Variants in ULK4 observed in about 807,000 individuals in gnomAD.
ULK4 encodes the protein inactive serine/threonine-protein kinase ULK4.
ULK4 carries 133 observed loss-of-function variants against 160.6 expected under a neutral mutation model. That is an observed-to-expected ratio of 0.83 (90% confidence interval 0.72 to 0.96). ULK4 has a LOEUF of 0.96. Ranked by LOEUF, ULK4 falls within the 40% of genes least tolerant of loss-of-function variation. The pLI, the probability that ULK4 is intolerant of heterozygous loss-of-function variation, is 0.00. For missense variants in ULK4, 1,580 were observed against 1,499.5 expected, an observed-to-expected ratio of 1.05 and a Z score of -0.89; for synonymous variants, 534 against 539.8, an observed-to-expected ratio of 0.99 and a Z score of 0.15.
intron 21 of ULK4, among the ~76,000 whole-genome samples, chr3:41,765,229 T>C (rs574997326): frequency 3.9e-4 from 59 of 152,210 alleles, no homozygotes; most frequent in African/African-American, 1.4e-3. Context: ...TATACAGCCA[T>C]AAAAAATGAT....
intron 35 of ULK4, among the ~76,000 whole-genome samples, chr3:41,334,496 G>GA (rs915777048): frequency 6.6e-6 from 1 of 152,052 alleles, no homozygotes; most frequent in African/African-American, 2.4e-5. Flanking sequence ...GGCCATGTGG[G>GA]AAAAAAATTG....
intron 30 of ULK4, among the ~76,000 whole-genome samples, chr3:41,645,640 G>C (rs544390587): frequency 6.6e-6 from 1 of 152,002 alleles, no homozygotes; most frequent in African/African-American, 2.4e-5. Context: ...AATAGGTGTG[G>C]TGTGGTGCTG....
At chr3:41,813,046 A>G (rs1280116232) in intron 19 of ULK4, among the ~76,000 whole-genome samples, 1 of 152,166 alleles carries the variant, frequency 6.6e-6, no homozygotes, top group African/African-American at 2.4e-5. Context: ...TAGTCTATAT[A>G]ATTATGGGTA....
chr3:41,597,744 C>T (rs961633365), intron 31 of ULK4, among the ~76,000 whole-genome samples: 2 of 152,162 alleles, frequency 1.3e-5, no homozygotes, highest in Non-Finnish European at 2.9e-5. Context: ...TGATTTACCA[C>T]TGGATAATTC....
intron 31 of ULK4, among the ~76,000 whole-genome samples, chr3:41,579,480 CT>C (rs1291898714): frequency 7.5e-6 from 1 of 132,784 alleles, no homozygotes; most frequent in Admixed American, 8.9e-5. Context: ...CAATCTGGAA[CT>C]AATATTTTTT....
chr3:41,837,182 G>A (rs1036037044), intron 17 of ULK4, among the ~76,000 whole-genome samples: 2 of 152,218 alleles, frequency 1.3e-5, no homozygotes, highest in African/African-American at 4.8e-5. Context: ...CTGCACAGTA[G>A]TCATGCACTG....
At chr3:41,639,958 A>T (rs555981639) in intron 30 of ULK4, among the ~76,000 whole-genome samples, 1 of 152,330 alleles carries the variant, frequency 6.6e-6, no homozygotes, top group South Asian at 2.1e-4. Flanking sequence ...ATGGTAAATG[A>T]CAAAGTAGAC....
chr3:41,494,531 G>A (rs2084914674), intron 32 of ULK4, among the ~76,000 whole-genome samples: 1 of 151,334 alleles, frequency 6.6e-6, no homozygotes. Context: ...AGACAGGGAT[G>A]CCCTCTCTCA....
chr3:41,645,740 G>A (rs1343934152), intron 30 of ULK4, among the ~76,000 whole-genome samples: 20 of 151,934 alleles, frequency 1.3e-4, no homozygotes, highest in African/African-American at 4.1e-4. Context: ...CAATTCCTGG[G>A]TATCCTTGTT....
chr3:41,292,974 TAGTC>T (rs1389179161), intron 35 of ULK4, among the ~76,000 whole-genome samples: 5 of 151,808 alleles, frequency 3.3e-5, no homozygotes, highest in Admixed American at 3.3e-4. Context: ...AATAAAAAAT[TAGTC>T]AGGTGTGGTG....
rs71094650 is a variant in ULK4 at position 41,470,018 on chromosome 3, G to GAAAAAAAAAAAAA, written c.3227-6778_3227-6766dup. ...GAGGAATTCAAGAAGAAACAGAACAGAAAAAAAAAAAAAAAAAAAAAAAAA... is the reference window on the plus strand; with the variant it reads ...GAGGAATTCAAGAAGAAACAGAACAGAAAAAAAAAAAAAAAAAAAAAAAAAAAAAAAAAAAAAA... On this transcript the variant is annotated intron_variant, in intron 32 of 36. Transcript: ENST00000301831. Among the ~76,000 whole-genome samples, 114 of 45,980 alleles carry GAAAAAAAAAAAAA rather than the reference G, an allele frequency of 2.5e-3. 8 individuals are homozygous for GAAAAAAAAAAAAA. The highest frequency in any genetic ancestry group is 1.0e-2 in the East Asian group (11 of 1,104). The allele number at this position is 45,980 out of a possible 152,430, so 30.2% of individuals were successfully genotyped here. A position where few individuals can be genotyped will look rare whatever the true frequency, so the allele number is the denominator to read the frequency against.
intron 32 of ULK4, among the ~76,000 whole-genome samples, chr3:41,473,661 C>CAAAAAAAAAAAAAAAAAAAAAAAAAAAAA (rs1294599838): frequency 4.0e-5 from 1 of 25,292 alleles, no homozygotes; most frequent in African/African-American, 1.8e-4. Context: ...GATTCTGTCT[C>CAAAAAAAAAAAAAAAAAAAAAAAAAAAAA]AAAGAAAAAA....
In ULK4 at chr3:41,289,987, T is replaced by C. The variant is rs182031232; in HGVS notation, c.3679-40413A>G. ...ATCTCCTGGGTTCAAGAGATTCTCC[T>C]GTCTCAGCCTCCCAAGTAGCTGGGA... On this transcript the variant is annotated intron_variant, in intron 35 of 36. Transcript: ENST00000301831. Among the ~76,000 whole-genome samples, 381 of 152,276 alleles carry C rather than the reference T, an allele frequency of 2.5e-3. 1 individual carries two copies. The highest frequency in any genetic ancestry group is 4.0e-3 in the Non-Finnish European group (269 of 68,030).
At chr3:41,660,778 C>G (rs996034502) in intron 30 of ULK4, among the ~76,000 whole-genome samples, 2 of 151,986 alleles carry the variant, frequency 1.3e-5, no homozygotes, top group Non-Finnish European at 2.9e-5. Flanking sequence ...CAAACAGAAT[C>G]CAGAAAGAGA....
At chr3:41,472,765 C>G (rs565106121) in intron 32 of ULK4, among the ~76,000 whole-genome samples, 1 of 152,132 alleles carries the variant, frequency 6.6e-6, no homozygotes, top group South Asian at 2.1e-4. Context: ...GTTTCAAATT[C>G]TTTTTATGAG....
chr3:41,357,866 G>A (rs2081058126), intron 35 of ULK4, among the ~76,000 whole-genome samples: 1 of 152,272 alleles, frequency 6.6e-6, no homozygotes, highest in East Asian at 1.9e-4. Flanking sequence ...CTAACACTTA[G>A]CATCTATCGT....
intron 21 of ULK4, among the ~76,000 whole-genome samples, chr3:41,784,002 T>C (rs933203567): frequency 1.3e-5 from 2 of 152,194 alleles, no homozygotes; most frequent in Non-Finnish European, 2.9e-5. Flanking sequence ...TACAAGATTT[T>C]TTCTTCTACT....
intron 17 of ULK4, among the ~76,000 whole-genome samples, chr3:41,861,523 A>AG (rs1559614618): frequency 6.6e-6 from 1 of 152,042 alleles, no homozygotes; most frequent in Non-Finnish European, 1.5e-5. Context: ...GATGTACTGG[A>AG]GCTCCATTTT....
intron 31 of ULK4, among the ~76,000 whole-genome samples, chr3:41,609,928 C>T (rs1447012940): frequency 1.3e-5 from 2 of 151,466 alleles, no homozygotes; most frequent in African/African-American, 4.9e-5. Flanking sequence ...AAGCTATCAT[C>T]GTGCCACTGC....
Sources: gnomAD v4.1 joint callset for allele counts (sites outside exome capture counted in the v4.1 genomes callset) on GRCh38, gnomAD v4.1.1 for gene constraint, MANE v1.5 for transcripts, NCBI Gene and HGNC (gene_info 2026-07-23, HGNC 2026-07-21) for gene names.